Variants in MAST2 observed in about 807,000 individuals in gnomAD.
MAST2 encodes the protein microtubule-associated serine/threonine-protein kinase 2.
A neutral mutation model predicts 147.4 loss-of-function variants in MAST2; 70 were observed. That is an observed-to-expected ratio of 0.47 (90% CI 0.39 to 0.58). The LOEUF (loss-of-function observed/expected upper bound fraction) is 0.58. Among genes scored for constraint, MAST2 ranks in the 20% least tolerant of loss-of-function variants. The pLI is 0.00. For missense variants in MAST2, 2,080 were observed against 2,302.3 expected, an observed-to-expected ratio of 0.90 and a Z score of 1.98; for synonymous variants, 869 against 896.8, an observed-to-expected ratio of 0.97 and a Z score of 0.55.
In MAST2 at chr1:45,828,259, C is replaced by T. The variant is rs61783197; in HGVS notation, c.326-1180C>T. Among the ~76,000 whole-genome samples, 274 of 152,190 alleles carry T rather than the reference C, an allele frequency of 1.8e-3. 1 individual carries two copies. Among genetic ancestry groups the T allele is most frequent in the Admixed American group, 4.3e-3 (65 of 15,286 alleles). On this transcript the variant is annotated intron_variant, in intron 2 of 28. Coordinates refer to ENST00000361297, the MANE Select transcript of MAST2 (RefSeq NM_015112.3). ...GCAAAAACAAAAATATCCCCCAAGC[C>T]CTTTCTTAACATCTTTACTACATTG...
At chr1:45,898,032 C>T (rs1242127337) in intron 4 of MAST2, among the ~76,000 whole-genome samples, 7 of 152,098 alleles carry the variant, frequency 4.6e-5, no homozygotes, top group African/African-American at 1.4e-4. Flanking sequence ...TCGCTTGAAC[C>T]TGGGAGGTGG....
intron 5 of MAST2, among the ~76,000 whole-genome samples, chr1:45,971,060 A>G (rs986562612): frequency 6.6e-6 from 1 of 152,262 alleles, no homozygotes; most frequent in Non-Finnish European, 1.5e-5. Flanking sequence ...AATACAAACT[A>G]TGACAATAAG....
intron 2 of MAST2, among the ~76,000 whole-genome samples, chr1:45,827,517 T>C (rs1381971983): frequency 3.3e-5 from 5 of 152,178 alleles, no homozygotes; most frequent in African/African-American, 4.8e-5. Context: ...TAAGTTAAGC[T>C]GACTTCCCTT....
intron 5 of MAST2, among the ~76,000 whole-genome samples, chr1:45,968,711 G>A (rs1553248643): frequency 6.6e-6 from 1 of 151,788 alleles, no homozygotes; most frequent in Non-Finnish European, 1.5e-5. Flanking sequence ...TATTTTCTGA[G>A]TTTCCTGAAT....
intron 4 of MAST2, among the ~76,000 whole-genome samples, chr1:45,902,245 T>C (rs1649903974): frequency 6.6e-6 from 1 of 152,230 alleles, no homozygotes; most frequent in Non-Finnish European, 1.5e-5. Flanking sequence ...CATGATCATA[T>C]GGTTTTTGTT....
intron 1 of MAST2, among the ~76,000 whole-genome samples, chr1:45,805,292 G>C (rs1248848775): frequency 2.6e-5 from 4 of 151,946 alleles, no homozygotes; most frequent in East Asian, 1.9e-4. Flanking sequence ...TCAGGTAATC[G>C]GGATTACAGG....
chr1:46,020,129 AGCATGAG>A (rs1646125088), intron 11 of MAST2, among the ~76,000 whole-genome samples: 1 of 152,244 alleles, frequency 6.6e-6, no homozygotes, highest in Admixed American at 6.5e-5. Flanking sequence ...GGAGTTGGGA[AGCATGAG>A]GCATGAGGAC....
chr1:45,986,050 G>C (rs1215677275), intron 5 of MAST2, among the ~76,000 whole-genome samples: 1 of 152,132 alleles, frequency 6.6e-6, no homozygotes, highest in Non-Finnish European at 1.5e-5. Context: ...CTATTCCACT[G>C]GGCTGGAACT....
At chr1:45,969,577 G>T (rs1643824432) in intron 5 of MAST2, among the ~76,000 whole-genome samples, 1 of 151,826 alleles carries the variant, frequency 6.6e-6, no homozygotes, top group African/African-American at 2.4e-5. Flanking sequence ...TGCATACAAG[G>T]GATCTAGGTT....
chr1:45,902,857 T>C (rs1473108646), intron 4 of MAST2, among the ~76,000 whole-genome samples: 1 of 152,142 alleles, frequency 6.6e-6, no homozygotes, highest in East Asian at 1.9e-4. Context: ...ATTGTGCTTA[T>C]TTAAATCTTC....
chr1:45,959,577 G>A (rs777575061), intron 5 of MAST2, 100 bp downstream of exon 5: 218 of 971,586 alleles, frequency 2.2e-4, no homozygotes, highest in Non-Finnish European at 3.2e-4. Context: ...ATATTACATT[G>A]TCACTTTACT....
intron 5 of MAST2, among the ~76,000 whole-genome samples, chr1:45,981,378 A>C (rs1430417672): frequency 1.0e-5 from 1 of 98,192 alleles, no homozygotes; most frequent in Non-Finnish European, 2.7e-5. Context: ...GGCTGAGGCT[A>C]GGGTTTTTTA....
At chr1:45,888,166 C>A (rs1647175926) in intron 4 of MAST2, among the ~76,000 whole-genome samples, 1 of 152,196 alleles carries the variant, frequency 6.6e-6, no homozygotes, top group Non-Finnish European at 1.5e-5. Context: ...TCAGAGACAT[C>A]TGAACTGCAG....
chr1:45,857,799 GT>G (rs1394131244), intron 3 of MAST2, among the ~76,000 whole-genome samples: 12 of 147,460 alleles, frequency 8.1e-5, no homozygotes, highest in Admixed American at 1.4e-4. Context: ...CCCTTCCTGT[GT>G]CCAAGTGTTC....
chr1:45,923,395 A>G (rs926484519), intron 4 of MAST2, among the ~76,000 whole-genome samples: 3 of 152,148 alleles, frequency 2.0e-5, no homozygotes, highest in Non-Finnish European at 4.4e-5. Flanking sequence ...TTTCTGATGA[A>G]CCATATGCAA....
At position 46,006,306 on chromosome 1, in the gene MAST2, CT is replaced by C; in HGVS notation, c.818del (p.Leu273Ter). 1 of 1,613,884 alleles carries C rather than the reference CT, an allele frequency of 6.2e-7. No individual in the cohort carries two copies. Among genetic ancestry groups the C allele is most frequent in the Non-Finnish European group, 8.5e-7 (1 of 1,179,872 alleles). The part of the protein sequence containing the change: ...PFQPTADELH[F>X]LTKHFSTESV... ...TCCAGCCTACAGCTGATGAGCTGCA[CT>C]TTTTGACGAAGCATTTCAGCACAGA... is the stretch of plus-strand genomic sequence containing the variant. On this transcript the variant is annotated frameshift_variant, in exon 8 of 29. Coordinates refer to ENST00000361297, the MANE Select transcript of MAST2 (RefSeq NM_015112.3). LOFTEE classifies it high-confidence loss of function.
At chr1:46,004,204 A>G (rs1452200434) in intron 7 of MAST2, among the ~76,000 whole-genome samples, 2 of 151,938 alleles carry the variant, frequency 1.3e-5, no homozygotes, top group East Asian at 3.9e-4. Flanking sequence ...CTCCACTAAA[A>G]ATACAAAAAA....
rs376051046 is a variant in MAST2, at chr1:45,997,698, A to C, written c.593-26A>C. The stretch of plus-strand genomic sequence containing the variant: ...CCCTCCTCACAAGCAAACCTCACAG[A>C]GTTTTGTTTCTTTTCCCATCCACAG... On this transcript the variant is annotated intron_variant, in intron 5 of 28. Coordinates refer to ENST00000361297, the MANE Select transcript of MAST2 (RefSeq NM_015112.3). 1.0e-5 allele frequency: 16 copies of C among 1,592,224 alleles called. No individual in the cohort carries two copies. The Admixed American group carries it at 1.5e-4, about 15-fold the overall frequency.
At position 45,841,458 on chromosome 1, in the gene MAST2, G is replaced by GTA. The variant is rs552340529; in HGVS notation, c.468+11888_468+11889dup. ...ATATATACATATATATATTTCTTCT[G>GTA]TATATATATATAATTACTGTGATAC... is the stretch of plus-strand genomic sequence containing the variant. On this transcript the variant is annotated intron_variant, in intron 3 of 28. Transcript: ENST00000361297. Among the ~76,000 whole-genome samples, 1,206 of 151,124 alleles carry GTA rather than the reference G, an allele frequency of 8.0e-3. 18 individuals are homozygous for GTA. The highest frequency in any genetic ancestry group is 0.028 in the African/African-American group (1,134 of 41,176).
Sources: allele counts gnomAD v4.1 joint callset (sites outside exome capture counted in the v4.1 genomes callset), GRCh38; gene constraint gnomAD v4.1.1; transcripts MANE v1.5; gene names NCBI Gene and HGNC (gene_info 2026-07-23, HGNC 2026-07-21).